Variants in FYB1 observed in about 807,000 individuals in gnomAD.
The protein encoded by FYB1 is FYN binding protein 1.
FYB1 carries 41 observed loss-of-function variants against 94.1 expected under a neutral mutation model. The observed-to-expected ratio is 0.44, with a 90% CI of 0.34 to 0.57. The LOEUF (loss-of-function observed/expected upper bound fraction) is 0.57, where lower values mean the gene tolerates loss of function less well. Among genes scored for constraint, FYB1 ranks in the 20% least tolerant of loss-of-function variants. The pLI is 0.02. For missense variants in FYB1, 1,050 were observed against 976.8 expected (o/e 1.07, Z -1.00); for synonymous variants, 367 against 353.2 (o/e 1.04, Z -0.44).
chr5:39,273,531 C>G (rs1040248626), intron 1 of FYB1, among the ~76,000 whole-genome samples: 1 of 152,150 alleles, frequency 6.6e-6, no homozygotes, highest in African/African-American at 2.4e-5. Flanking sequence ...TGACAGAGAG[C>G]ATAGTGATAC....
chr5:39,274,077 A>T (rs1752732917), intron 1 of FYB1, among the ~76,000 whole-genome samples: 1 of 152,118 alleles, frequency 6.6e-6, no homozygotes, highest in Admixed American at 6.5e-5. Context: ...GGCATGTGCC[A>T]CCACACCTGG....
chr5:39,173,616 G>A (rs1208447690), intron 2 of FYB1, among the ~76,000 whole-genome samples: 2 of 152,102 alleles, frequency 1.3e-5, no homozygotes, highest in Non-Finnish European at 2.9e-5. Context: ...GTTAATTTTT[G>A]TATATGCTGA....
At chr5:39,143,353 C>A (rs1742350366) in intron 3 of FYB1, among the ~76,000 whole-genome samples, 1 of 151,528 alleles carries the variant, frequency 6.6e-6, no homozygotes, top group Non-Finnish European at 1.5e-5. Flanking sequence ...AGTTCCATGT[C>A]AAATCAATCA....
intron 2 of FYB1, among the ~76,000 whole-genome samples, chr5:39,156,965 G>T (rs1327546636): frequency 6.6e-6 from 1 of 152,066 alleles, no homozygotes; most frequent in Non-Finnish European, 1.5e-5. Flanking sequence ...TGGGAATAAT[G>T]ATATTAAATA....
intron 2 of FYB1, among the ~76,000 whole-genome samples, chr5:39,179,528 C>T (rs1476105375): frequency 6.6e-6 from 1 of 150,412 alleles, no homozygotes; most frequent in East Asian, 1.9e-4. Context: ...TGCTCCATTT[C>T]CAAGCTTTTC....
Position 39,108,278 on chromosome 5 carries a change from A to C in FYB1, c.2436-16T>G. On this transcript the variant is annotated splice_polypyrimidine_tract_variant and intron_variant, in intron 17 of 18. Coordinates refer to ENST00000512982, the MANE Select transcript of FYB1 (RefSeq NM_001465.6). ...CTCTCCATCACTGTAAATGTAAAAA[A>C]AAATTTTTATTTTAAAGAAACTATG... The C allele has an allele frequency of 5.3e-6, 8 of 1,519,536 alleles. No homozygotes were observed. The highest frequency in any genetic ancestry group is 6.2e-6 in the Non-Finnish European group (7 of 1,124,418). 94.1% of individuals were successfully genotyped at this position (1,519,536 alleles called of 1,614,324 possible). A position where few individuals can be genotyped will look rare whatever the true frequency, so the allele number is the denominator to read the frequency against.
chr5:39,165,918 G>A (rs141240837), intron 2 of FYB1, among the ~76,000 whole-genome samples: 9 of 152,086 alleles, frequency 5.9e-5, no homozygotes, highest in Non-Finnish European at 7.4e-5. Context: ...AATTAAAACC[G>A]CAATGAGATA....
intron 2 of FYB1, among the ~76,000 whole-genome samples, chr5:39,191,268 A>G (rs1561239294): frequency 1.3e-5 from 2 of 152,152 alleles, no homozygotes; most frequent in Non-Finnish European, 2.9e-5. Flanking sequence ...AAGAAAAGAG[A>G]AGAGAAGCGT....
chr5:39,127,623 A>G (rs1740818446), intron 11 of FYB1, 118 bp downstream of exon 11: 2 of 1,110,604 alleles, frequency 1.8e-6, no homozygotes, highest in South Asian at 3.6e-5. Context: ...CATTCAAATC[A>G]TTTGGGGTAA....
chr5:39,152,269 A>T (rs73089174), intron 3 of FYB1, among the ~76,000 whole-genome samples: 17,356 of 152,218 alleles, frequency 0.11, 1,677 homozygotes, highest in East Asian at 0.54. Flanking sequence ...TAAACCCCCA[A>T]GAAAGCATAT....
At chr5:39,169,119 C>A in intron 2 of FYB1, 1 of 674,960 alleles carries the variant, frequency 1.5e-6, no homozygotes. Context: ...TAATCTTGTG[C>A]ACATTCTCAG....
chr5:39,161,038 G>A (rs1744199065), intron 2 of FYB1, among the ~76,000 whole-genome samples: 1 of 152,230 alleles, frequency 6.6e-6, no homozygotes. Context: ...ATTCCCTGGT[G>A]TTATCACCTA....
intron 2 of FYB1, among the ~76,000 whole-genome samples, chr5:39,184,518 T>C (rs73091027): frequency 0.071 from 10,769 of 152,254 alleles, 1,008 homozygotes; most frequent in African/African-American, 0.21. Flanking sequence ...TACAAAAAGG[T>C]TAACTTTCTT....
At chr5:39,157,929 A>G (rs1470223438) in intron 2 of FYB1, among the ~76,000 whole-genome samples, 5 of 152,222 alleles carry the variant, frequency 3.3e-5, no homozygotes, top group Admixed American at 2.6e-4. Context: ...GTCCTGAGAC[A>G]GACTGAGGAA....
intron 2 of FYB1, among the ~76,000 whole-genome samples, chr5:39,173,160 C>T (rs1351014456): frequency 1.3e-5 from 2 of 151,994 alleles, no homozygotes; most frequent in African/African-American, 4.8e-5. Flanking sequence ...GGTGTGAGAT[C>T]GTTTCTCATT....
Position 39,236,130 on chromosome 5 carries a change from G to A in FYB1, c.-27-33143C>T, listed in dbSNP as rs760851110. Among the ~76,000 whole-genome samples, 5 of 151,390 alleles carry A rather than the reference G, an allele frequency of 3.3e-5. 1 individual carries two copies. Among genetic ancestry groups the A allele is most frequent in the South Asian group, 4.2e-4 (2 of 4,814 alleles). On this transcript the variant is annotated intron_variant, in intron 1 of 1. Coordinates refer to the FYB1 transcript ENST00000510188. ...TAGGTGTGCCACAAGATTTTAAAAG[G>A]TACTTTATATTAAATTCTTATTAAG...
chr5:39,145,424 A>T (rs1022119915), intron 3 of FYB1, among the ~76,000 whole-genome samples: 3 of 152,216 alleles, frequency 2.0e-5, no homozygotes, highest in Admixed American at 6.5e-5. Context: ...TATAAACAGA[A>T]CTATTGATTT....
At chr5:39,273,089 C>T (rs1379448379) in intron 1 of FYB1, among the ~76,000 whole-genome samples, 7 of 152,220 alleles carry the variant, frequency 4.6e-5, no homozygotes, top group Non-Finnish European at 8.8e-5. Context: ...CCGGCCGCCC[C>T]TTCTGGGAAG....
intron 14 of FYB1, among the ~76,000 whole-genome samples, chr5:39,121,462 T>C (rs1740092986): frequency 1.3e-5 from 2 of 152,154 alleles, no homozygotes; most frequent in South Asian, 4.1e-4. Context: ...AAAAAATAAA[T>C]ACTTAGCGTT....
Sources: gnomAD v4.1 joint callset for allele counts (sites outside exome capture counted in the v4.1 genomes callset) on GRCh38, gnomAD v4.1.1 for gene constraint, MANE v1.5 for transcripts, NCBI Gene and HGNC (gene_info 2026-07-23, HGNC 2026-07-21) for gene names.